The following NEMP2 variants were observed in gnomAD, a reference collection of about 807,000 sequenced individuals.
NEMP2 encodes nuclear envelope integral membrane protein 2.
Under a neutral mutation model 54.2 loss-of-function variants are expected in NEMP2, and 53 were observed. The ratio of observed to expected loss-of-function variants is 0.98; its 90% CI spans 0.78 to 1.23. The LOEUF is 1.23. Ranked by LOEUF, NEMP2 falls within the 50% of genes most tolerant of loss-of-function variation. NEMP2 has a pLI of 0.00. For synonymous variants in NEMP2, 197 were observed against 190.3 expected, an observed-to-expected ratio of 1.04 and a Z score of -0.29; for missense variants, 455 against 511.3, an observed-to-expected ratio of 0.89 and a Z score of 1.06.
At chr2:190,589,565 G>A in the NEMP2 span, among the ~76,000 whole-genome samples, 19 of 152,264 alleles carry the variant, frequency 1.2e-4, no homozygotes, top group Middle Eastern at 6.8e-3. The surrounding 1 kb of genome is among the most constrained non-coding windows in gnomAD (Gnocchi z 4.3). Flanking sequence ...AATGTCACTG[G>A]TTCTACAAGG....
At chr2:190,430,079 A>C in the NEMP2 span, among the ~76,000 whole-genome samples, 1 of 149,098 alleles carries the variant, frequency 6.7e-6, no homozygotes, top group Non-Finnish European at 1.5e-5. Flanking sequence ...TTCCACCTAT[A>C]AGTGAGAACA....
At chr2:190,599,568 A>T in the NEMP2 span, among the ~76,000 whole-genome samples, 1 of 152,204 alleles carries the variant, frequency 6.6e-6, no homozygotes, top group Non-Finnish European at 1.5e-5. Context: ...GCATTTAAAA[A>T]TTTTAATTTT....
In NEMP2 at chr2:190,523,040, T is replaced by C. The variant is rs1690804978; in HGVS notation, c.213+2223A>G. ...TCACAGGCCATTGGTCACTCATATT[T>C]GGCTCAGAATAAATCTCTTCAAATA... On this transcript the variant is annotated intron_variant, in intron 2 of 8. Coordinates refer to ENST00000409150, the MANE Select transcript of NEMP2 (RefSeq NM_001142645.2). This position sits in a 1 kb window ranked among gnomAD's most constrained non-coding sequence, Gnocchi z 5.3. Among the ~76,000 whole-genome samples, 2 of 152,202 alleles carry C rather than the reference T, an allele frequency of 1.3e-5. No homozygotes were observed. Among genetic ancestry groups the C allele is most frequent in the African/African-American group, 2.4e-5 (1 of 41,436 alleles).
chr2:190,576,510 G>C, the NEMP2 span, among the ~76,000 whole-genome samples: 1 of 151,254 alleles, frequency 6.6e-6, no homozygotes, highest in Admixed American at 6.7e-5. Flanking sequence ...AAATGAAAGA[G>C]AAAAGTTTCC....
At chr2:190,647,122 G>A in the NEMP2 span, among the ~76,000 whole-genome samples, 1 of 152,086 alleles carries the variant, frequency 6.6e-6, no homozygotes. Flanking sequence ...GTGACAATTA[G>A]GGAGACTAAG....
intron 1 of NEMP2, among the ~76,000 whole-genome samples, chr2:190,532,832 C>T (rs181064338): frequency 5.3e-5 from 8 of 152,288 alleles, no homozygotes; most frequent in African/African-American, 1.9e-4. Flanking sequence ...TGGCACACTA[C>T]CAGATGCTGG....
chr2:190,560,673 G>A, the NEMP2 span, among the ~76,000 whole-genome samples: 4 of 152,110 alleles, frequency 2.6e-5, no homozygotes, highest in African/African-American at 9.7e-5. The surrounding 1 kb of genome is among the most constrained non-coding windows in gnomAD (Gnocchi z 5.4). Flanking sequence ...AGCCTACTCT[G>A]GACAAGGAAT....
rs1302234509 is a variant in NEMP2 at position 190,509,271 on chromosome 2, T to C, written c.1172A>G (p.Glu391Gly). Reference protein sequence around the residue: ...FVLGGSHLSPEEISLHEEQYG... With the variant: ...FVLGGSHLSPGEISLHEEQYG... ...CTGCTCTTCATGCAGACTGATTTCT[T>C]CAGGTGACAAGTGGCTTCCTCCAAG... Residue 391 changes from glutamate (E) to glycine (G), a missense_variant, in exon 9 of 9, where the codon GAA becomes GGA. Glu to Gly is a moderately conservative substitution (Grantham distance 98). Coordinates refer to ENST00000409150, the MANE Select transcript of NEMP2 (RefSeq NM_001142645.2). The surrounding 1 kb of genome is among the most constrained non-coding windows in gnomAD (Gnocchi z 6.1). The C allele has an allele frequency of 1.3e-6, 2 of 1,551,766 alleles. No individual in the cohort carries two copies. Among genetic ancestry groups the C allele is most frequent in the Admixed American group, 2.0e-5 (1 of 51,010 alleles).
the NEMP2 span, among the ~76,000 whole-genome samples, chr2:190,565,903 CAGAA>C: frequency 6.6e-6 from 1 of 152,162 alleles, no homozygotes; most frequent in Non-Finnish European, 1.5e-5. Context: ...TTCCAGCCAC[CAGAA>C]CTGTGAGAAA....
the NEMP2 span, among the ~76,000 whole-genome samples, chr2:190,557,221 TG>T: frequency 6.6e-6 from 1 of 152,086 alleles, no homozygotes; most frequent in African/African-American, 2.4e-5. Context: ...AAACAAGCAA[TG>T]GGAAACAATT....
the NEMP2 span, among the ~76,000 whole-genome samples, chr2:190,441,326 C>T: frequency 1.3e-5 from 2 of 152,178 alleles, no homozygotes; most frequent in Admixed American, 1.3e-4. Flanking sequence ...GCCCAGGTTG[C>T]ACCCAGACCA....
chr2:190,530,723 C>A lies in NEMP2; in HGVS notation c.97+3836G>T, dbSNP rs1259018358. ...GCCAGTTTGACTGCTTATTTGAACT[C>A]TATGGCTGATTATGCCCTGACACTG... On this transcript the variant is annotated intron_variant, in intron 1 of 8. Coordinates refer to ENST00000409150, the MANE Select transcript of NEMP2 (RefSeq NM_001142645.2). The surrounding 1 kb of genome is among the most constrained non-coding windows in gnomAD (Gnocchi z 4.6). Among the ~76,000 whole-genome samples, 1 of 152,232 alleles carries A rather than the reference C, an allele frequency of 6.6e-6. No individual in the cohort carries two copies. Among genetic ancestry groups the A allele is most frequent in the African/African-American group, 2.4e-5 (1 of 41,446 alleles).
the NEMP2 span, among the ~76,000 whole-genome samples, chr2:190,433,932 T>C: frequency 7.2e-5 from 11 of 152,222 alleles, no homozygotes; most frequent in Non-Finnish European, 1.3e-4. This position sits in a 1 kb window ranked among gnomAD's most constrained non-coding sequence, Gnocchi z 4.5. Context: ...GGTTCACGCC[T>C]GTAATCCCAG....
the NEMP2 span, among the ~76,000 whole-genome samples, chr2:190,623,635 T>A: frequency 6.6e-6 from 1 of 152,126 alleles, no homozygotes; most frequent in Admixed American, 6.6e-5. Context: ...GAAGCTAACC[T>A]CTATATCTCA....
chr2:190,439,099 C>T, the NEMP2 span, among the ~76,000 whole-genome samples: 2 of 151,972 alleles, frequency 1.3e-5, no homozygotes, highest in Non-Finnish European at 2.9e-5. The surrounding 1 kb of genome is among the most constrained non-coding windows in gnomAD (Gnocchi z 5.8). Context: ...TTAATTTTGT[C>T]CACACCATGT....
chr2:190,638,636 T>G, the NEMP2 span, among the ~76,000 whole-genome samples: 197 of 152,160 alleles, frequency 1.3e-3, no homozygotes, highest in Non-Finnish European at 1.6e-3. This position sits in a 1 kb window ranked among gnomAD's most constrained non-coding sequence, Gnocchi z 5.7. Flanking sequence ...GTTAATAAAT[T>G]TTGGCCCCTT....
chr2:190,433,351 T>C, the NEMP2 span: 1 of 152,186 alleles, frequency 6.6e-6, no homozygotes, highest in African/African-American at 2.4e-5. This position sits in a 1 kb window ranked among gnomAD's most constrained non-coding sequence, Gnocchi z 4.5. Flanking sequence ...TTGGAGCCGC[T>C]GAGCTGGATA....
the NEMP2 span, chr2:190,628,230 T>C: frequency 6.6e-6 from 1 of 152,256 alleles, no homozygotes; most frequent in African/African-American, 2.4e-5. This position sits in a 1 kb window ranked among gnomAD's most constrained non-coding sequence, Gnocchi z 4.1. Flanking sequence ...ATCTGGAAGG[T>C]CTTGGGGAGG....
chr2:190,485,786 T>C, the NEMP2 span, among the ~76,000 whole-genome samples: 1 of 147,826 alleles, frequency 6.8e-6, no homozygotes, highest in Non-Finnish European at 1.5e-5. This position sits in a 1 kb window ranked among gnomAD's most constrained non-coding sequence, Gnocchi z 5.1. Context: ...GCTAATCATC[T>C]AGTCCATCTT....
Sources: allele counts gnomAD v4.1 joint callset (sites outside exome capture counted in the v4.1 genomes callset), GRCh38; gene constraint gnomAD v4.1.1; non-coding constraint Gnocchi (gnomAD v3.1); transcripts MANE v1.5; gene names NCBI Gene and HGNC (gene_info 2026-07-23, HGNC 2026-07-21).